The following PDXDC1 variants were observed in gnomAD, a reference collection of about 807,000 sequenced individuals.
The protein encoded by PDXDC1 is pyridoxal-dependent decarboxylase domain-containing protein 1.
A neutral mutation model predicts 100.1 loss-of-function variants in PDXDC1; 42 were observed. That is an observed-to-expected ratio of 0.42 (90% CI 0.33 to 0.54). The LOEUF (loss-of-function observed/expected upper bound fraction) is 0.54. Ranked by LOEUF, PDXDC1 falls within the 20% of genes least tolerant of loss-of-function variation. The pLI, the probability that PDXDC1 is intolerant of heterozygous loss-of-function variation, is 0.10. For missense variants in PDXDC1, 636 were observed against 979.2 expected (o/e 0.65, Z 4.68); for synonymous variants, 260 against 371.7 (o/e 0.70, Z 3.46).
intron 5 of PDXDC1, among the ~76,000 whole-genome samples, chr16:15,005,979 C>T (rs1375632689): frequency 1.3e-5 from 2 of 152,414 alleles, no homozygotes; most frequent in African/African-American, 4.8e-5. Context: ...TGAGCCACCA[C>T]ACCCAGCCTC....
Position 15,037,878 on chromosome 16 carries a change from T to G in PDXDC1, c.*1603T>G. ...TGCCTTTGCCAAAATAAGGTTTTAT[T>G]TTGAAAGTCATTTGATGAAAGTCAT... On this transcript the variant is annotated 3_prime_UTR_variant, in exon 23 of 23. Transcript: ENST00000396410. 1.8e-6 allele frequency: 1 copy of G among 555,432 alleles called. No individual in the cohort carries two copies. The highest frequency in any genetic ancestry group is 3.2e-6 in the Non-Finnish European group (1 of 315,652). The allele number at this position is 555,432 out of a possible 1,614,324, so 34.4% of individuals were successfully genotyped here.
At chr16:15,080,539 T>C (rs2045656399) in intron 16 of PDXDC1, among the ~76,000 whole-genome samples, 1 of 152,154 alleles carries the variant, frequency 6.6e-6, no homozygotes, top group Non-Finnish European at 1.5e-5. Flanking sequence ...GGATAAGCAA[T>C]CCTTCCTCCT....
At chr16:15,132,686 A>C (rs1255133764) in intron 16 of PDXDC1, 6 of 767,044 alleles carry the variant, frequency 7.8e-6, no homozygotes, top group Non-Finnish European at 1.1e-5. Flanking sequence ...CCTGGCAGGC[A>C]TGCGGGGCGG....
chr16:14,982,420 C>G (rs527673250), intron 1 of PDXDC1, among the ~76,000 whole-genome samples: 5 of 152,256 alleles, frequency 3.3e-5, no homozygotes, highest in Admixed American at 6.5e-5. Context: ...GTCAGGAGTT[C>G]GAGACCAGCC....
At chr16:15,058,287 C>G (rs2044594893) in intron 16 of PDXDC1, among the ~76,000 whole-genome samples, 1 of 151,118 alleles carries the variant, frequency 6.6e-6, no homozygotes, top group Admixed American at 6.6e-5. Flanking sequence ...ACAGCAAGAC[C>G]GTCTCAAAAA....
At chr16:14,991,727 GC>G (rs1970894331) in intron 1 of PDXDC1, among the ~76,000 whole-genome samples, 2 of 152,124 alleles carry the variant, frequency 1.3e-5, no homozygotes, top group South Asian at 4.1e-4. Context: ...TTGCCATGTT[GC>G]CCAGGCTCAT....
intron 1 of PDXDC1, among the ~76,000 whole-genome samples, chr16:14,979,345 A>G (rs1482797948): frequency 1.1e-4 from 16 of 152,240 alleles, no homozygotes; most frequent in African/African-American, 3.9e-4. Context: ...GCTAGAGTGC[A>G]GTGGCACAGT....
At chr16:15,043,101 T>C (rs2043896201), downstream of PDXDC1, among the ~76,000 whole-genome samples, 1 of 152,096 alleles carries the variant, frequency 6.6e-6, no homozygotes, top group Non-Finnish European at 1.5e-5. Flanking sequence ...GGTTTCTCCA[T>C]GTTGGTCAGG....
chr16:15,039,889 T>TAA, downstream of PDXDC1: 2 of 797,132 alleles, frequency 2.5e-6, no homozygotes, highest in East Asian at 4.9e-5. Context: ...TAAACTTTTC[T>TAA]AAGATCCCAA....
At chr16:15,034,417 G>T in intron 20 of PDXDC1, 39 bp downstream of exon 20, 1 of 1,613,148 alleles carries the variant, frequency 6.2e-7, no homozygotes, top group South Asian at 1.1e-5. Context: ...GGGAGCCGCC[G>T]TGAGGCCAGG....
At chr16:14,987,904 G>A (rs1429360477) in intron 1 of PDXDC1, among the ~76,000 whole-genome samples, 4 of 152,166 alleles carry the variant, frequency 2.6e-5, no homozygotes, top group East Asian at 1.9e-4. Context: ...GAGCCACTGC[G>A]CCTGGCCTGT....
In PDXDC1 at chr16:15,110,603, T is replaced by C. The variant is rs200017599; in HGVS notation, c.1400-28276T>C. On this transcript the variant is annotated intron_variant, in intron 16 of 16. Coordinates refer to the PDXDC1 transcript ENST00000535621. ...TTTCTTTGTGTGCATACAAATGGAC[T>C]TCAGCCCTTGGTGAGAGTGAGGAGA... 2,997 of 1,576,236 alleles carry C rather than the reference T, an allele frequency of 1.9e-3. 160 individuals are homozygous for C. The highest frequency in any genetic ancestry group is 2.3e-3 in the Non-Finnish European group (2,642 of 1,162,178).
chr16:15,128,430 C>A (rs1426834696), intron 16 of PDXDC1: 1 of 1,182,304 alleles, frequency 8.5e-7, no homozygotes, highest in Non-Finnish European at 1.2e-6. Context: ...CGGTCTGCTG[C>A]CCAACACGTG....
chr16:14,995,765 T>C (rs533278374), intron 1 of PDXDC1, among the ~76,000 whole-genome samples: 1 of 152,412 alleles, frequency 6.6e-6, no homozygotes, highest in South Asian at 2.1e-4. Context: ...TGAATCCCTC[T>C]GGTCCCGGAC....
intron 16 of PDXDC1, chr16:15,135,403 G>C (rs964965923): frequency 1.1e-4 from 164 of 1,466,672 alleles, no homozygotes; most frequent in Admixed American, 3.9e-5. Context: ...GGGGCCCAAA[G>C]TTCAGCGCAC....
chr16:15,064,472 G>A (rs1163750298), intron 16 of PDXDC1, among the ~76,000 whole-genome samples: 3 of 152,162 alleles, frequency 2.0e-5, no homozygotes, highest in African/African-American at 7.2e-5. Context: ...ATTACGCCCA[G>A]CCAATCGTTT....
chr16:14,988,698 T>C (rs1969984552), intron 1 of PDXDC1: 1 of 1,613,592 alleles, frequency 6.2e-7, no homozygotes, highest in African/African-American at 1.3e-5. Context: ...ATGGTCGTTC[T>C]TGTAGCGGAT....
At chr16:15,041,561 G>T, downstream of PDXDC1, 1 of 1,169,374 alleles carries the variant, frequency 8.6e-7, no homozygotes, top group South Asian at 1.2e-5. Context: ...CCCACTGCAA[G>T]ACTGGGGACA....
chr16:15,109,789 C>T (rs1234262239), intron 16 of PDXDC1, among the ~76,000 whole-genome samples: 2 of 136,884 alleles, frequency 1.5e-5, no homozygotes, highest in Non-Finnish European at 3.1e-5. Flanking sequence ...GCAGAGGTTG[C>T]AGTGAGCCAA....
Sources: allele counts gnomAD v4.1 joint callset (sites outside exome capture counted in the v4.1 genomes callset), GRCh38; gene constraint gnomAD v4.1.1; transcripts MANE v1.5; gene names NCBI Gene and HGNC (gene_info 2026-07-23, HGNC 2026-07-21).